SLC44A5: variants seen among roughly 807,000 people sequenced by gnomAD.
SLC44A5 encodes solute carrier family 44 member 5.
In SLC44A5, 57 loss-of-function variants were observed where a neutral mutation model predicts 101.8. That is an observed-to-expected ratio of 0.56 (90% CI 0.45 to 0.70). SLC44A5 has a LOEUF of 0.70. Among genes scored for constraint, SLC44A5 ranks in the 30% least tolerant of loss-of-function variants. SLC44A5 has a pLI of 0.00. For synonymous variants in SLC44A5, 281 were observed against 290.9 expected, an observed-to-expected ratio of 0.97 and a Z score of 0.35; for missense variants, 737 against 853.1, an observed-to-expected ratio of 0.86 and a Z score of 1.70.
At chr1:75,322,639 C>T (rs1166032711) in intron 4 of SLC44A5, among the ~76,000 whole-genome samples, 1 of 152,172 alleles carries the variant, frequency 6.6e-6, no homozygotes, top group African/African-American at 2.4e-5. Flanking sequence ...GTCTCAACTT[C>T]CATTATCCTT....
chr1:75,493,420 A>G (rs1282504034), intron 2 of SLC44A5, among the ~76,000 whole-genome samples: 1 of 152,214 alleles, frequency 6.6e-6, no homozygotes, highest in African/African-American at 2.4e-5. Context: ...GTAATCTAAC[A>G]ATATAGCCTG....
chr1:75,301,656 T>C (rs755248738), intron 4 of SLC44A5, among the ~76,000 whole-genome samples: 81 of 152,166 alleles, frequency 5.3e-4, no homozygotes, highest in Non-Finnish European at 1.6e-4. Flanking sequence ...TGAATAATAA[T>C]GGCACAGTAA....
chr1:75,493,898 C>T (rs564108912), intron 2 of SLC44A5, among the ~76,000 whole-genome samples: 4 of 152,318 alleles, frequency 2.6e-5, no homozygotes, highest in African/African-American at 9.6e-5. Context: ...TTCAAAGCAG[C>T]ATCTGCCTGA....
At chr1:75,379,383 T>A (rs1157872636) in intron 3 of SLC44A5, among the ~76,000 whole-genome samples, 1 of 49,208 alleles carries the variant, frequency 2.0e-5, no homozygotes. Context: ...GATCAACTAT[T>A]AGGAATAGGT....
chr1:75,631,534 G>A, the SLC44A5 span, among the ~76,000 whole-genome samples: 1 of 140,806 alleles, frequency 7.1e-6, no homozygotes, highest in African/African-American at 2.7e-5. Context: ...AACCACACCT[G>A]GCTAATTTTT....
the SLC44A5 span, among the ~76,000 whole-genome samples, chr1:75,707,277 C>T: frequency 7.2e-4 from 109 of 152,270 alleles, no homozygotes; most frequent in Middle Eastern, 0.01. Flanking sequence ...GCTCTAGTGG[C>T]CAAAGAGCAG....
chr1:75,589,854 G>A (rs1674245029), intron 1 of SLC44A5, among the ~76,000 whole-genome samples: 1 of 152,130 alleles, frequency 6.6e-6, no homozygotes, highest in Non-Finnish European at 1.5e-5. Flanking sequence ...CCCCTGCAGA[G>A]AGAGCATTTA....
chr1:75,632,731 G>C, the SLC44A5 span, among the ~76,000 whole-genome samples: 2 of 152,158 alleles, frequency 1.3e-5, no homozygotes, highest in African/African-American at 4.8e-5. Context: ...GAGCACTTGA[G>C]TTCTAGAGCC....
intron 18 of SLC44A5, 100 bp from the exon 19 acceptor site, chr1:75,215,957 T>C: frequency 1.4e-6 from 1 of 700,858 alleles, no homozygotes; most frequent in Non-Finnish European, 2.4e-6. Context: ...TTAAAATTTT[T>C]TATTGTTATA....
In SLC44A5 at chr1:75,366,260, G is replaced by A. The variant is rs1406244590; in HGVS notation, c.53-26630C>T. ...CCTCAGCTTTTGTTTGTTTGAGAAT[G>A]TCTTCATCTCTCCCTTTCTGAAGGA... On this transcript the variant is annotated intron_variant, in intron 3 of 23. Transcript: ENST00000370859. Among the ~76,000 whole-genome samples the A allele has an allele frequency of 2.6e-5, 4 of 152,238 alleles. No homozygotes were observed. In the East Asian group the frequency reaches 5.8e-4, roughly 22 times the overall value.
intron 1 of SLC44A5, among the ~76,000 whole-genome samples, chr1:75,560,722 A>G (rs1672471625): frequency 6.6e-6 from 1 of 152,174 alleles, no homozygotes; most frequent in Non-Finnish European, 1.5e-5. Context: ...CAGTGCCTCC[A>G]GAGATGGAAG....
At position 75,202,602 on chromosome 1, in the gene SLC44A5, A is replaced by AT. The variant is rs897712258; in HGVS notation, c.*1124dup. 6.6e-6 allele frequency: 1 copy of AT among 152,218 alleles called. No homozygotes were observed. The highest frequency in any genetic ancestry group is 2.1e-4 in the South Asian group (1 of 4,826). The allele number at this position is 152,218 out of a possible 1,614,324, so 9.4% of individuals were successfully genotyped here. A position where few individuals can be genotyped will look rare whatever the true frequency, so the allele number is the denominator to read the frequency against. On this transcript the variant is annotated 3_prime_UTR_variant, in exon 24 of 24. Coordinates refer to ENST00000370859, the MANE Select transcript of SLC44A5 (RefSeq NM_001130058.2). The stretch of plus-strand genomic sequence containing the variant: ...CAATTAACATACTGTAAGTAAACTG[A>AT]TTTTTTCATACCAAAAGTTAGAAAA...
At chr1:75,525,204 T>C (rs1670345323) in intron 2 of SLC44A5, among the ~76,000 whole-genome samples, 1 of 152,190 alleles carries the variant, frequency 6.6e-6, no homozygotes, top group African/African-American at 2.4e-5. Flanking sequence ...AACAAGTTAG[T>C]TGCTAATTGT....
At chr1:75,465,673 T>G (rs1004445932) in intron 2 of SLC44A5, among the ~76,000 whole-genome samples, 1 of 151,666 alleles carries the variant, frequency 6.6e-6, no homozygotes, top group African/African-American at 2.4e-5. Context: ...CCCAAATAAA[T>G]AAAATCAGAA....
the SLC44A5 span, among the ~76,000 whole-genome samples, chr1:75,675,041 C>T: frequency 2.6e-5 from 4 of 152,152 alleles, no homozygotes; most frequent in African/African-American, 9.7e-5. Flanking sequence ...AGTCAGGTAG[C>T]ATGATGCCTT....
At chr1:75,441,322 A>G (rs962202378) in intron 2 of SLC44A5, among the ~76,000 whole-genome samples, 34 of 152,282 alleles carry the variant, frequency 2.2e-4, no homozygotes, top group African/African-American at 7.7e-4. Context: ...AAATGCAAGT[A>G]GCACCCACTT....
intron 23 of SLC44A5, among the ~76,000 whole-genome samples, chr1:75,208,408 C>T (rs1646789657): frequency 6.6e-6 from 1 of 152,192 alleles, no homozygotes; most frequent in Non-Finnish European, 1.5e-5. Flanking sequence ...ATCTGCCGGC[C>T]TCGGCCTCCC....
At chr1:75,524,454 A>G (rs558422188) in intron 2 of SLC44A5, among the ~76,000 whole-genome samples, 2 of 152,338 alleles carry the variant, frequency 1.3e-5, no homozygotes, top group Admixed American at 1.3e-4. Context: ...TTTTCATAAG[A>G]GCAAATAGAT....
At chr1:75,480,409 T>C (rs1400961596) in intron 2 of SLC44A5, among the ~76,000 whole-genome samples, 2 of 152,076 alleles carry the variant, frequency 1.3e-5, no homozygotes, top group Non-Finnish European at 2.9e-5. Flanking sequence ...CCAGGGCAAT[T>C]AGGCAGGAGA....
Sources: allele counts gnomAD v4.1 joint callset (sites outside exome capture counted in the v4.1 genomes callset), GRCh38; gene constraint gnomAD v4.1.1; transcripts MANE v1.5; gene names NCBI Gene and HGNC (gene_info 2026-07-23, HGNC 2026-07-21).